The following VMP1 variants were observed in gnomAD, a reference collection of about 807,000 sequenced individuals.
VMP1 encodes the protein vacuole membrane protein 1.
In VMP1, 11 loss-of-function variants were observed where a neutral mutation model predicts 56.0. The observed-to-expected ratio is 0.20, with a 90% CI of 0.12 to 0.32. The LOEUF (loss-of-function observed/expected upper bound fraction) is 0.32. Among genes scored for constraint, VMP1 ranks in the 10% least tolerant of loss-of-function variants. The probability of loss-of-function intolerance (pLI) is 1.00; values close to 1 mark genes in which losing one functional copy is unlikely to be tolerated. For synonymous variants in VMP1, 149 were observed against 165.0 expected, an observed-to-expected ratio of 0.90 and a Z score of 0.74; for missense variants, 296 against 490.3, an observed-to-expected ratio of 0.60 and a Z score of 3.74.
chr17:59,769,154 CT>C (rs61495451), intron 6 of VMP1, among the ~76,000 whole-genome samples: 116,503 of 137,764 alleles, frequency 0.85, 49,199 homozygotes, highest in East Asian at 0.95. Context: ...AAAATGAAAA[CT>C]TTTTTTTTTT....
At chr17:59,785,444 C>G (rs1027210542) in intron 7 of VMP1, among the ~76,000 whole-genome samples, 3 of 152,100 alleles carry the variant, frequency 2.0e-5, no homozygotes, top group Non-Finnish European at 2.9e-5. Flanking sequence ...GAGGCCAAGG[C>G]AGGTGGATCA....
chr17:59,773,625 GC>G, intron 6 of VMP1, 128 bp from the exon 7 acceptor site: 1 of 845,218 alleles, frequency 1.2e-6, no homozygotes, highest in Non-Finnish European at 1.7e-6. Context: ...TGATTATGTA[GC>G]ATATGCTTTC....
Position 59,727,719 on chromosome 17 carries a change from G to A in VMP1, c.-26-3702G>A, listed in dbSNP as rs142596912. ...CTGTGAAGTTGTTTTTTATAGTTTA[G>A]GCATTTTGTACGTTTATTACCTCCT... On this transcript the variant is annotated intron_variant, in intron 1 of 11. Transcript: ENST00000262291. Among the ~76,000 whole-genome samples the A allele has an allele frequency of 2.6e-3, 392 of 152,222 alleles. 1 individual carries two copies. The highest frequency in any genetic ancestry group is 8.4e-3 in the African/African-American group (349 of 41,532).
intron 1 of VMP1, among the ~76,000 whole-genome samples, chr17:59,714,111 C>T (rs1402435474): frequency 6.6e-6 from 1 of 150,590 alleles, no homozygotes; most frequent in African/African-American, 2.4e-5. Flanking sequence ...CCAGAATACC[C>T]GAAACTGGGT....
chr17:59,731,292 A>G, intron 1 of VMP1, 129 bp from the exon 2 acceptor site: 1 of 468,364 alleles, frequency 2.1e-6, no homozygotes. Flanking sequence ...AAAAGAAAAA[A>G]AGTGTAAACA....
intron 10 of VMP1, among the ~76,000 whole-genome samples, chr17:59,824,274 A>C (rs1156924418): frequency 6.6e-6 from 1 of 151,428 alleles, no homozygotes; most frequent in South Asian, 2.1e-4. Context: ...AAGGGTATCA[A>C]AAATCTTTTG....
chr17:59,755,607 T>C (rs993431773), intron 5 of VMP1, among the ~76,000 whole-genome samples: 2 of 152,168 alleles, frequency 1.3e-5, no homozygotes. Context: ...TTAGGCTTTT[T>C]GTTAAACAAA....
intron 10 of VMP1, among the ~76,000 whole-genome samples, chr17:59,832,762 T>A (rs1187558223): frequency 2.3e-4 from 5 of 21,820 alleles, no homozygotes; most frequent in Non-Finnish European, 5.3e-4. Flanking sequence ...CCTGGCAATA[T>A]TTTTTTTTTT....
At chr17:59,773,916 CTT>C in intron 7 of VMP1, 31 bp downstream of exon 7, 1 of 1,544,290 alleles carries the variant, frequency 6.5e-7, no homozygotes, top group Non-Finnish European at 8.7e-7. Context: ...AAATAGAACA[CTT>C]TACTTCTTCC....
At chr17:59,724,343 A>G (rs1203545961) in intron 1 of VMP1, among the ~76,000 whole-genome samples, 7 of 152,200 alleles carry the variant, frequency 4.6e-5, no homozygotes. Flanking sequence ...GTAAAAAAAA[A>G]GTTTATTAGC....
chr17:59,786,572 A>G (rs745581954), intron 7 of VMP1, among the ~76,000 whole-genome samples: 1 of 152,022 alleles, frequency 6.6e-6, no homozygotes, highest in Non-Finnish European at 1.5e-5. Context: ...CCTGTTTTTG[A>G]CTCTGATGAA....
chr17:59,816,819 G>A (rs978799351), intron 9 of VMP1, among the ~76,000 whole-genome samples: 2 of 151,790 alleles, frequency 1.3e-5, no homozygotes, highest in East Asian at 1.9e-4. Flanking sequence ...GGTGTCGTGC[G>A]CCTGTAATCC....
rs142946444 is a variant in VMP1 at position 59,799,384 on chromosome 17, G to A, written c.715-9412G>A. Among the ~76,000 whole-genome samples the A allele has an allele frequency of 2.8e-3, 420 of 152,226 alleles. 1 individual carries two copies. Among genetic ancestry groups the A allele is most frequent in the African/African-American group, 8.5e-3 (352 of 41,532 alleles). On this transcript the variant is annotated intron_variant, in intron 7 of 11. Coordinates refer to ENST00000262291, the MANE Select transcript of VMP1 (RefSeq NM_030938.5). The stretch of plus-strand genomic sequence containing the variant: ...ATTTTACAGTTGGCTTTATCTAACC[G>A]TGTAAGCCATCAGCTGGATGTTAAA...
intron 5 of VMP1, among the ~76,000 whole-genome samples, chr17:59,762,488 T>C (rs576315168): frequency 6.6e-6 from 1 of 152,342 alleles, no homozygotes; most frequent in East Asian, 1.9e-4. Context: ...TATTTGAATT[T>C]TTCATATAAA....
intron 8 of VMP1, 97 bp downstream of exon 8, chr17:59,808,973 A>G: frequency 6.5e-6 from 6 of 927,290 alleles, no homozygotes; most frequent in South Asian, 1.7e-5. Context: ...TATCACTTTT[A>G]TTGGGTATGT....
chr17:59,811,557 A>G, intron 8 of VMP1, 113 bp from the exon 9 acceptor site: 2 of 769,828 alleles, frequency 2.6e-6, no homozygotes. Flanking sequence ...AGGAACCCAT[A>G]TATTGCTTTG....
chr17:59,743,588 A>G (rs1165119541), intron 5 of VMP1, among the ~76,000 whole-genome samples: 1 of 149,402 alleles, frequency 6.7e-6, no homozygotes, highest in Non-Finnish European at 1.5e-5. Context: ...CTCTATATAT[A>G]TATATGCTAT....
intron 5 of VMP1, among the ~76,000 whole-genome samples, chr17:59,755,383 TAC>T (rs942777671): frequency 6.6e-6 from 1 of 152,148 alleles, no homozygotes; most frequent in Non-Finnish European, 1.5e-5. Context: ...CTGCTGGGAT[TAC>T]AGGCGTGAGC....
At chr17:59,771,241 C>T (rs541512181) in intron 6 of VMP1, among the ~76,000 whole-genome samples, 1 of 151,370 alleles carries the variant, frequency 6.6e-6, no homozygotes, top group South Asian at 2.1e-4. Context: ...GGCACAATCA[C>T]AGCTCACTGC....
Sources: allele counts gnomAD v4.1 joint callset (sites outside exome capture counted in the v4.1 genomes callset), GRCh38; gene constraint gnomAD v4.1.1; transcripts MANE v1.5; gene names NCBI Gene and HGNC (gene_info 2026-07-23, HGNC 2026-07-21).